GRAMD1B: variants seen among roughly 807,000 people sequenced by gnomAD.
The protein encoded by GRAMD1B is protein Aster-B.
A neutral mutation model predicts 99.7 loss-of-function variants in GRAMD1B; 37 were observed. That is an observed-to-expected ratio of 0.37 (90% CI 0.29 to 0.49). The LOEUF (loss-of-function observed/expected upper bound fraction) is 0.49. Among genes scored for constraint, GRAMD1B ranks in the 20% least tolerant of loss-of-function variants. The pLI, the probability that GRAMD1B is intolerant of heterozygous loss-of-function variation, is 0.98. For synonymous variants in GRAMD1B, 427 were observed against 387.6 expected, an observed-to-expected ratio of 1.10 and a Z score of -1.19; for missense variants, 888 against 1,009.2, an observed-to-expected ratio of 0.88 and a Z score of 1.63.
chr11:123,477,256 C>T (rs1435213852), intron 1 of GRAMD1B, among the ~76,000 whole-genome samples: 3 of 87,444 alleles, frequency 3.4e-5, no homozygotes, highest in Non-Finnish European at 4.6e-5. Flanking sequence ...CCTTCTCCCC[C>T]TTCCTTCCCT....
intron 2 of GRAMD1B, among the ~76,000 whole-genome samples, chr11:123,518,005 G>A (rs1160924289): frequency 1.3e-5 from 2 of 152,112 alleles, no homozygotes; most frequent in Admixed American, 6.5e-5. Context: ...GAGGAGCCAC[G>A]GGGGTGATTA....
intron 1 of GRAMD1B, among the ~76,000 whole-genome samples, chr11:123,398,250 C>T (rs1947536845): frequency 6.6e-6 from 1 of 152,200 alleles, no homozygotes; most frequent in Non-Finnish European, 1.5e-5. Context: ...ATATTTCTTA[C>T]AGTTCTGGAG....
chr11:123,391,768 T>C (rs977344800), intron 1 of GRAMD1B, among the ~76,000 whole-genome samples: 5 of 152,210 alleles, frequency 3.3e-5, no homozygotes, highest in Admixed American at 6.5e-5. Context: ...TTTTACTTAA[T>C]TCTTTCACCA....
intron 8 of GRAMD1B, 58 bp downstream of exon 8, chr11:123,600,606 G>A (rs929558159): frequency 9.4e-7 from 1 of 1,069,346 alleles, no homozygotes; most frequent in East Asian, 2.4e-5. Context: ...AGAAGCCTTT[G>A]TCTCCTCAGG....
intron 1 of GRAMD1B, among the ~76,000 whole-genome samples, chr11:123,363,153 G>A (rs147448744): frequency 3.3e-5 from 5 of 152,258 alleles, no homozygotes; most frequent in Admixed American, 6.5e-5. Context: ...GAATGCAAGC[G>A]AGCCAGCAGA....
intron 2 of GRAMD1B, among the ~76,000 whole-genome samples, chr11:123,532,761 T>G (rs1197755969): frequency 6.6e-6 from 1 of 152,220 alleles, no homozygotes; most frequent in African/African-American, 2.4e-5. Context: ...CATGCAAAAA[T>G]TATATGAAAT....
intron 1 of GRAMD1B, among the ~76,000 whole-genome samples, chr11:123,405,952 G>A (rs938649819): frequency 2.0e-5 from 3 of 151,786 alleles, no homozygotes; most frequent in African/African-American, 7.3e-5. Flanking sequence ...GCATGTGCAT[G>A]TATATATACT....
chr11:123,533,216 C>T (rs1023525108), intron 2 of GRAMD1B, among the ~76,000 whole-genome samples: 7 of 152,218 alleles, frequency 4.6e-5, no homozygotes, highest in Non-Finnish European at 7.4e-5. Context: ...GGTGATCTGC[C>T]CGCCTCAGCC....
intron 1 of GRAMD1B, among the ~76,000 whole-genome samples, chr11:123,410,364 T>C (rs1948001972): frequency 6.7e-6 from 1 of 150,212 alleles, no homozygotes; most frequent in East Asian, 2.0e-4. Flanking sequence ...TATGATGGGG[T>C]GGAAGGGAGG....
At chr11:123,600,409 C>T in intron 7 of GRAMD1B, 59 bp from the exon 8 acceptor site, 1 of 1,055,366 alleles carries the variant, frequency 9.5e-7, no homozygotes, top group South Asian at 1.4e-5. Flanking sequence ...AGGACCATGT[C>T]CCTCTTAATT....
chr11:123,455,088 A>T (rs1417651400), intron 1 of GRAMD1B, among the ~76,000 whole-genome samples: 1 of 152,222 alleles, frequency 6.6e-6, no homozygotes, highest in Non-Finnish European at 1.5e-5. Flanking sequence ...TATGTACTTC[A>T]TGTAAGATGT....
intron 1 of GRAMD1B, among the ~76,000 whole-genome samples, chr11:123,383,205 GCTCTCT>G (rs55890434): frequency 0.044 from 6,512 of 146,932 alleles, 169 homozygotes; most frequent in African/African-American, 0.068. Context: ...TCAGAGTCTT[GCTCTCT>G]CTCTCTCTCT....
intron 1 of GRAMD1B, among the ~76,000 whole-genome samples, chr11:123,462,630 C>A (rs1243388066): frequency 6.6e-6 from 1 of 152,162 alleles, no homozygotes; most frequent in African/African-American, 2.4e-5. Context: ...ATAAAGAATT[C>A]AGGGACAAAA....
intron 2 of GRAMD1B, among the ~76,000 whole-genome samples, chr11:123,535,427 G>T (rs974956958): frequency 2.0e-5 from 3 of 152,070 alleles, no homozygotes; most frequent in Non-Finnish European, 4.4e-5. Context: ...CTGTGCTCTC[G>T]ACCTCCACAC....
rs189117418 is a variant in GRAMD1B at position 123,443,179 on chromosome 11, C to T, written c.374+12013C>T. On this transcript the variant is annotated intron_variant, in intron 1 of 19. Coordinates refer to ENST00000635736, the MANE Select transcript of GRAMD1B (RefSeq NM_001387025.1). ...CAAGATGGAGTTGCTCTGATTTAAA[C>T]GCCTCTGACAGAGCTGCTCACAGAA... Among the ~76,000 whole-genome samples the T allele has an allele frequency of 7.9e-5, 12 of 152,268 alleles. No individual in the cohort carries two copies. The East Asian group carries it at 1.5e-3, about 20-fold the overall frequency.
intron 1 of GRAMD1B, among the ~76,000 whole-genome samples, chr11:123,360,760 C>A (rs1439054375): frequency 7.3e-6 from 1 of 137,780 alleles, no homozygotes; most frequent in Non-Finnish European, 1.6e-5. Flanking sequence ...TCCTTCCTTC[C>A]TTCCTTCTTT....
In GRAMD1B at chr11:123,510,275, C is replaced by T. The variant is rs1452209496; in HGVS notation, c.452+29382C>T. On this transcript the variant is annotated intron_variant, in intron 2 of 19. Coordinates refer to ENST00000635736, the MANE Select transcript of GRAMD1B (RefSeq NM_001387025.1). This position sits in a 1 kb window ranked among gnomAD's most constrained non-coding sequence, Gnocchi z 4.3. ...CCAGCTGGCCTCTTCCCACATGCCCCCCTCATCCTGACCTGTGGGTACCAG... is the reference window on the plus strand; with the variant it reads ...CCAGCTGGCCTCTTCCCACATGCCCTCCTCATCCTGACCTGTGGGTACCAG... Among the ~76,000 whole-genome samples the T allele has an allele frequency of 6.6e-6, 1 of 152,174 alleles. No individual in the cohort carries two copies. Among genetic ancestry groups the T allele is most frequent in the Non-Finnish European group, 1.5e-5 (1 of 68,028 alleles).
chr11:123,369,145 CA>C (rs1280762312), intron 1 of GRAMD1B, among the ~76,000 whole-genome samples: 3 of 151,774 alleles, frequency 2.0e-5, no homozygotes, highest in Non-Finnish European at 2.9e-5. Flanking sequence ...AATAGAAATG[CA>C]AAAAGTTAGC....
chr11:123,532,518 C>G (rs1181739070), intron 2 of GRAMD1B, among the ~76,000 whole-genome samples: 1 of 152,156 alleles, frequency 6.6e-6, no homozygotes. Context: ...GTAGTGTGGG[C>G]ACGGGCTGAT....
Sources: gnomAD v4.1 joint callset for allele counts (sites outside exome capture counted in the v4.1 genomes callset) on GRCh38, gnomAD v4.1.1 for gene constraint, Gnocchi (gnomAD v3.1) non-coding constraint, MANE v1.5 for transcripts, NCBI Gene and HGNC (gene_info 2026-07-23, HGNC 2026-07-21) for gene names.